The following TSNARE1 variants were observed in gnomAD, a reference collection of about 807,000 sequenced individuals.
TSNARE1 encodes the protein t-SNARE domain containing 1, also known as t-SNARE domain-containing protein 1.
In TSNARE1, 49 loss-of-function variants were observed where a neutral mutation model predicts 62.0. That is an observed-to-expected ratio of 0.79 (90% CI 0.63 to 1.00). The LOEUF is 1.00. Among genes scored for constraint, TSNARE1 ranks in the 50% least tolerant of loss-of-function variants. The pLI, the probability that TSNARE1 is intolerant of heterozygous loss-of-function variation, is 0.00. For missense variants in TSNARE1, 755 were observed against 700.1 expected, an observed-to-expected ratio of 1.08 and a Z score of -0.88; for synonymous variants, 328 against 294.4, an observed-to-expected ratio of 1.11 and a Z score of -1.17.
chr8:142,299,635 G>A lies in TSNARE1; in HGVS notation c.1290+851C>T, dbSNP rs147293865. On this transcript the variant is annotated intron_variant, in intron 10 of 13. Transcript: ENST00000524325. ...CACTTACACATGCATGCACACACAC[G>A]CACTCACGCACGCACGCATACTTGC... 5.4e-4 allele frequency among the ~76,000 whole-genome samples: 82 copies of A among 152,136 alleles called. 1 individual carries two copies. The East Asian group carries it at 0.014, about 27-fold the overall frequency.
At chr8:142,308,074 T>C (rs1310838198) in intron 9 of TSNARE1, among the ~76,000 whole-genome samples, 1 of 152,232 alleles carries the variant, frequency 6.6e-6, no homozygotes, top group African/African-American at 2.4e-5. Flanking sequence ...TTTCATTGTT[T>C]TTCAATAGAG....
intron 2 of TSNARE1, among the ~76,000 whole-genome samples, chr8:142,351,427 G>T (rs1834079834): frequency 6.6e-6 from 1 of 152,308 alleles, no homozygotes; most frequent in South Asian, 2.1e-4. Context: ...GAAAAGATAT[G>T]TAAGATCTTT....
At chr8:142,387,335 A>T (rs1036357424) in intron 1 of TSNARE1, among the ~76,000 whole-genome samples, 1 of 152,216 alleles carries the variant, frequency 6.6e-6, no homozygotes, top group Non-Finnish European at 1.5e-5. Flanking sequence ...AGAATAATAA[A>T]AAATGAATCA....
chr8:142,332,295 C>T (rs750584126), intron 4 of TSNARE1, among the ~76,000 whole-genome samples: 2 of 152,308 alleles, frequency 1.3e-5, no homozygotes, highest in East Asian at 1.9e-4. Context: ...GAGCACAGCA[C>T]GCACAGAGAT....
intron 11 of TSNARE1, among the ~76,000 whole-genome samples, chr8:142,283,887 A>G (rs1443702825): frequency 7.1e-6 from 1 of 140,432 alleles, no homozygotes; most frequent in African/African-American, 2.5e-5. Flanking sequence ...GACAGTGTCA[A>G]TGAACAGAGG....
intron 11 of TSNARE1, chr8:142,277,983 C>T (rs1018175290): frequency 2.0e-6 from 2 of 985,416 alleles, no homozygotes; most frequent in Non-Finnish European, 2.4e-6. Flanking sequence ...CCCATAGGAC[C>T]CTTGGCTGCA....
chr8:142,360,428 G>C (rs964143877), intron 1 of TSNARE1, among the ~76,000 whole-genome samples: 4 of 152,190 alleles, frequency 2.6e-5, no homozygotes, highest in African/African-American at 9.7e-5. Flanking sequence ...GCGGGGCCAG[G>C]ACGGAGGGGT....
intron 6 of TSNARE1, among the ~76,000 whole-genome samples, chr8:142,328,615 G>A (rs1293028369): frequency 6.6e-6 from 1 of 152,190 alleles, no homozygotes; most frequent in Admixed American, 6.5e-5. Flanking sequence ...CTTCTTTTCG[G>A]CATCAAGGAA....
At position 142,280,950 on chromosome 8, in the gene TSNARE1, G is replaced by T. The variant is rs1398074208; in HGVS notation, c.1363+3463C>A. On this transcript the variant is annotated intron_variant, in intron 11 of 13. Transcript: ENST00000524325. ...AGGCTCCGAGGGGATTGAGGGGCCG[G>T]CCTGGCCCAGCCCCGCCCCAGGGAG... 2.0e-5 allele frequency among the ~76,000 whole-genome samples: 3 copies of T among 152,314 alleles called. No homozygotes were observed. In the East Asian group the frequency reaches 5.8e-4, roughly 29 times the overall value.
intron 13 of TSNARE1, among the ~76,000 whole-genome samples, chr8:142,223,059 T>A (rs779497368): frequency 7.5e-5 from 3 of 40,248 alleles, no homozygotes; most frequent in African/African-American, 3.9e-4. Context: ...CATTCACTCA[T>A]TCACTTACTC....
rs1301883573 is a variant in TSNARE1, at chr8:142,227,136, A to G, written c.*11+2337T>C. On this transcript the variant is annotated intron_variant, in intron 13 of 13. Coordinates refer to ENST00000524325, the MANE Select transcript of TSNARE1 (RefSeq NM_145003.5). ...TAGTGACAGCCAGAACCCCCACTGC[A>G]CCCACACCCCAGTGACAGCCAGGAC... 1.1e-3 allele frequency among the ~76,000 whole-genome samples: 162 copies of G among 142,778 alleles called. 1 individual carries two copies. Among genetic ancestry groups the G allele is most frequent in the African/African-American group, 4.3e-3 (156 of 36,234 alleles). 93.7% of individuals were successfully genotyped at this position (142,778 alleles called of 152,430 possible).
chr8:142,406,241 A>T (rs1440650125), upstream of TSNARE1: 1 of 152,312 alleles, frequency 6.6e-6, no homozygotes, highest in African/African-American at 2.4e-5. Context: ...TGGGGAGAAC[A>T]AGCCCCTGCT....
intron 6 of TSNARE1, among the ~76,000 whole-genome samples, chr8:142,324,151 G>A (rs960899862): frequency 2.0e-5 from 3 of 152,232 alleles, no homozygotes; most frequent in Non-Finnish European, 4.4e-5. Context: ...AAGCTGGCCT[G>A]AGATTGAATC....
In TSNARE1 at chr8:142,282,979, G is replaced by A. The variant is rs1451706782; in HGVS notation, c.1363+1434C>T. On this transcript the variant is annotated intron_variant, in intron 11 of 13. Coordinates refer to ENST00000524325, the MANE Select transcript of TSNARE1 (RefSeq NM_145003.5). The stretch of plus-strand genomic sequence containing the variant: ...AGGGGAGGCCACTGTCTGTCTAAGG[G>A]CAAAGGCGGGGTCAGTGTCTGCCAA... Among the ~76,000 whole-genome samples, 6 of 150,548 alleles carry A rather than the reference G, an allele frequency of 4.0e-5. No individual in the cohort carries two copies. In the East Asian group the frequency reaches 6.0e-4, roughly 15 times the overall value.
intron 12 of TSNARE1, among the ~76,000 whole-genome samples, chr8:142,261,879 C>A (rs528592578): frequency 6.6e-6 from 1 of 152,178 alleles, no homozygotes; most frequent in South Asian, 2.1e-4. Context: ...CCAGCCAAGT[C>A]CAACCTGGGC....
chr8:142,213,286 C>T (rs950597529), intron 13 of TSNARE1, among the ~76,000 whole-genome samples: 4 of 134,118 alleles, frequency 3.0e-5, no homozygotes, highest in Non-Finnish European at 6.3e-5. Context: ...AAATCCTGTG[C>T]GGACTCCGGG....
chr8:142,379,841 CA>C (rs1204083152), intron 1 of TSNARE1, among the ~76,000 whole-genome samples: 1 of 152,178 alleles, frequency 6.6e-6, no homozygotes, highest in East Asian at 1.9e-4. Context: ...GCCACCCACC[CA>C]AATCTGCCTA....
chr8:142,252,795 C>T (rs927251979), intron 12 of TSNARE1, among the ~76,000 whole-genome samples: 6 of 152,202 alleles, frequency 3.9e-5, no homozygotes, highest in Admixed American at 2.6e-4. Context: ...GCCCCGAGCC[C>T]CCATCCTGGC....
intron 1 of TSNARE1, among the ~76,000 whole-genome samples, chr8:142,358,112 C>T (rs1360083992): frequency 3.4e-5 from 3 of 87,034 alleles, no homozygotes; most frequent in Non-Finnish European, 6.2e-5. Flanking sequence ...GAACAGCCAG[C>T]GGCCATCACT....
Sources: gnomAD v4.1 joint callset for allele counts (sites outside exome capture counted in the v4.1 genomes callset) on GRCh38, gnomAD v4.1.1 for gene constraint, MANE v1.5 for transcripts, NCBI Gene and HGNC (gene_info 2026-07-23, HGNC 2026-07-21) for gene names.